The following KIFAP3 variants were observed in gnomAD, a reference collection of about 807,000 sequenced individuals.
KIFAP3 encodes kinesin associated protein 3, also known as kinesin-associated protein 3.
KIFAP3 carries 68 observed loss-of-function variants against 106.5 expected under a neutral mutation model. The observed-to-expected ratio is 0.64, with a 90% CI of 0.53 to 0.78. The LOEUF (loss-of-function observed/expected upper bound fraction) is 0.78. Ranked by LOEUF, KIFAP3 falls within the 30% of genes least tolerant of loss-of-function variation. The pLI, the probability that KIFAP3 is intolerant of heterozygous loss-of-function variation, is 0.00. For missense variants in KIFAP3, 780 were observed against 941.8 expected (o/e 0.83, Z 2.25); for synonymous variants, 320 against 311.5 (o/e 1.03, Z -0.29).
Position 170,039,223 on chromosome 1 carries a change from G to T in KIFAP3, c.375+10C>A, listed in dbSNP as rs750501120. On this transcript the variant is annotated intron_variant, in intron 4 of 19. Coordinates refer to ENST00000361580, the MANE Select transcript of KIFAP3 (RefSeq NM_014970.4). ...AGTCCTCTATTAGATCAGAATGCAT[G>T]CAGTCTTACCTCCATTCCTTCAAAA... The T allele has an allele frequency of 3.2e-6, 5 of 1,559,132 alleles. No individual in the cohort carries two copies. The South Asian group carries it at 4.7e-5, about 15-fold the overall frequency.
intron 1 of KIFAP3, among the ~76,000 whole-genome samples, chr1:170,084,541 G>A (rs1557887290): frequency 6.6e-6 from 1 of 152,086 alleles, no homozygotes; most frequent in African/African-American, 2.4e-5. Flanking sequence ...GGCACAAAAG[G>A]GAATAATCCA....
chr1:170,075,022 A>G (rs12141613), upstream of KIFAP3, among the ~76,000 whole-genome samples: 9,651 of 152,292 alleles, frequency 0.063, 390 homozygotes, highest in Non-Finnish European at 0.095. Flanking sequence ...GCTCTAACTT[A>G]TGGAGATAAT....
chr1:169,943,169 G>A (rs912778276), intron 19 of KIFAP3, among the ~76,000 whole-genome samples: 5 of 152,192 alleles, frequency 3.3e-5, no homozygotes, highest in Admixed American at 2.6e-4. Flanking sequence ...CATATCTGAG[G>A]AGTAAGCTAT....
intron 1 of KIFAP3, chr1:170,084,971 A>T (rs1672080524): frequency 6.6e-6 from 1 of 152,220 alleles, no homozygotes. Context: ...AAAATACTCC[A>T]AATGTGTTGT....
Position 169,983,399 on chromosome 1 carries a change from C to T in KIFAP3, c.1394-17G>A, listed in dbSNP as rs1260013906. 2.0e-6 allele frequency: 3 copies of T among 1,535,246 alleles called. No individual in the cohort carries two copies. The highest frequency in any genetic ancestry group is 1.8e-5 in the Admixed American group (1 of 56,658). ...GCCCATTTCCTGAAACAGAAAAGTCCCCCAATAAAATTAAGGTTAGCTTAA... is the reference window on the plus strand; with the variant it reads ...GCCCATTTCCTGAAACAGAAAAGTCTCCCAATAAAATTAAGGTTAGCTTAA... On this transcript the variant is annotated splice_polypyrimidine_tract_variant and intron_variant, in intron 12 of 19. Transcript: ENST00000361580.
At chr1:170,065,409 C>T (rs888357597) in intron 1 of KIFAP3, among the ~76,000 whole-genome samples, 5 of 151,688 alleles carry the variant, frequency 3.3e-5, no homozygotes, top group Non-Finnish European at 7.4e-5. Flanking sequence ...GTCAGGAGAT[C>T]GAGACCATCC....
intron 19 of KIFAP3, among the ~76,000 whole-genome samples, chr1:169,940,766 A>C (rs1214598391): frequency 6.6e-6 from 1 of 152,200 alleles, no homozygotes; most frequent in African/African-American, 2.4e-5. Context: ...TACCATTTAA[A>C]ATAATACAAT....
chr1:170,046,579 A>G, intron 3 of KIFAP3, 133 bp downstream of exon 3: 2 of 627,168 alleles, frequency 3.2e-6, no homozygotes, highest in Non-Finnish European at 5.3e-6. Context: ...TTACTCATTC[A>G]TAACACTGGT....
At chr1:169,990,008 T>C in intron 11 of KIFAP3, 15 of 1,544,708 alleles carry the variant, frequency 9.7e-6, no homozygotes, top group Non-Finnish European at 1.2e-5. Context: ...GATTTGTTCA[T>C]ATTCTTCTAA....
chr1:170,048,737 G>A (rs1443692103), intron 2 of KIFAP3, among the ~76,000 whole-genome samples: 1 of 151,916 alleles, frequency 6.6e-6, no homozygotes, highest in Non-Finnish European at 1.5e-5. Flanking sequence ...GAAGTGCAAG[G>A]AGCTGGGGGA....
chr1:170,053,531 T>C (rs1670683446), intron 2 of KIFAP3, among the ~76,000 whole-genome samples: 1 of 151,862 alleles, frequency 6.6e-6, no homozygotes. Context: ...AAGACAGTTC[T>C]AAGCAAAAAA....
intron 19 of KIFAP3, among the ~76,000 whole-genome samples, chr1:169,933,490 T>C (rs558143862): frequency 7.2e-5 from 11 of 152,194 alleles, no homozygotes; most frequent in African/African-American, 2.4e-4. Flanking sequence ...CTATAGATTA[T>C]AAGATTACAT....
intron 3 of KIFAP3, chr1:170,041,950 T>C: frequency 2.1e-5 from 21 of 1,018,516 alleles, no homozygotes; most frequent in Non-Finnish European, 2.6e-5. Flanking sequence ...TGAAACCTGG[T>C]TTTAGAGTTC....
chr1:170,063,276 G>T (rs1445305505), intron 1 of KIFAP3, among the ~76,000 whole-genome samples: 1 of 152,160 alleles, frequency 6.6e-6, no homozygotes, highest in African/African-American at 2.4e-5. Context: ...CAAAACCTAA[G>T]ATTAGTCTTT....
chr1:170,035,315 G>A lies in KIFAP3; in HGVS notation c.617+139C>T, dbSNP rs1350419926. 4 of 494,808 alleles carry A rather than the reference G, an allele frequency of 8.1e-6. No individual in the cohort carries two copies. The South Asian group carries it at 1.4e-4, about 17-fold the overall frequency. 30.7% of individuals were successfully genotyped at this position (494,808 alleles called of 1,614,324 possible). ...TAGCAAGACAGACAATGGAAAACAG[G>A]AATAAGAATTCAGCAGTAGAGCATA... On this transcript the variant is annotated intron_variant, in intron 6 of 19. Transcript: ENST00000361580.
chr1:169,926,682 T>TAC (rs60885577), intron 19 of KIFAP3, among the ~76,000 whole-genome samples: 60 of 50,782 alleles, frequency 1.2e-3, no homozygotes, highest in African/African-American at 1.8e-3. Context: ...GTTGTGTGTG[T>TAC]ACACACACAC....
At position 170,080,554 on chromosome 1, in the gene KIFAP3, C is replaced by T. The variant is rs186855572; in HGVS notation, n.174+4481G>A. Among the ~76,000 whole-genome samples, 100 of 152,142 alleles carry T rather than the reference C, an allele frequency of 6.6e-4. 1 individual carries two copies. In the East Asian group the frequency reaches 0.018, roughly 28 times the overall value. ...GTATTGGCATAAGGATATACATATA[C>T]ATAGATTAATGGAAGAGAATAAAAA... On this transcript the variant is annotated intron_variant and non_coding_transcript_variant, in intron 1 of 5. Transcript: ENST00000490550.
chr1:170,039,269 G>T lies in KIFAP3; in HGVS notation c.339C>A (p.Ser113Arg). The stretch of plus-strand genomic sequence containing the variant: ...CAAAAGGAGGTGGATCTTTAGGCTT[G>T]CTTGATTTTTCTTTTTTCTCTGTAA... Reference protein sequence around the residue: ...LSGKEKKEKSSKPKDPPPFEG... With the variant: ...LSGKEKKEKSRKPKDPPPFEG... The change falls in exon 4 of 20, where the codon AGC becomes AGA. Residue 113 changes from serine (S) to arginine (R), a missense_variant. By Grantham distance (110) the Ser-to-Arg change is moderately radical (BLOSUM62 -1). This residue lies in a region of KIFAP3 where 588 missense variants were observed against 678.9 expected (regional missense o/e 0.87). Transcript: ENST00000361580. 1 of 1,599,080 alleles carries T rather than the reference G, an allele frequency of 6.3e-7. No individual in the cohort carries two copies. The highest frequency in any genetic ancestry group is 8.5e-7 in the Non-Finnish European group (1 of 1,170,870).
At chr1:169,991,391 G>T (rs554004170) in intron 11 of KIFAP3, among the ~76,000 whole-genome samples, 61 of 151,190 alleles carry the variant, frequency 4.0e-4, no homozygotes, top group African/African-American at 1.5e-3. Flanking sequence ...CAAGAGATAT[G>T]AATGATCTGT....
Sources: gnomAD v4.1 joint callset for allele counts (sites outside exome capture counted in the v4.1 genomes callset) on GRCh38, gnomAD v4.1.1 for gene constraint, gnomAD v4.1.1 regional missense constraint, MANE v1.5 for transcripts, NCBI Gene and HGNC (gene_info 2026-07-23, HGNC 2026-07-21) for gene names.